NDUFA10: variants seen among roughly 807,000 people sequenced by gnomAD.
The protein encoded by NDUFA10 is NADH:ubiquinone oxidoreductase subunit A10.
In NDUFA10, 40 loss-of-function variants were observed where a neutral mutation model predicts 47.8. The observed-to-expected ratio is 0.84, with a 90% confidence interval of 0.65 to 1.09. NDUFA10 has a LOEUF of 1.09. Among genes scored for constraint, NDUFA10 ranks in the 50% least tolerant of loss-of-function variants. The probability of loss-of-function intolerance (pLI) is 0.00; values close to 1 mark genes in which losing one functional copy is unlikely to be tolerated. For synonymous variants in NDUFA10, 183 were observed against 172.2 expected (o/e 1.06, Z -0.49); for missense variants, 413 against 451.1 (o/e 0.92, Z 0.76).
intron 9 of NDUFA10, among the ~76,000 whole-genome samples, chr2:239,968,331 GCA>G (rs1267913172): frequency 6.6e-6 from 1 of 152,230 alleles, no homozygotes; most frequent in Non-Finnish European, 1.5e-5. Context: ...TGAGCAGCGA[GCA>G]CAGACTTCAG....
At chr2:239,947,579 T>G (rs1367637733) in intron 4 of NDUFA10, among the ~76,000 whole-genome samples, 1 of 152,114 alleles carries the variant, frequency 6.6e-6, no homozygotes, top group South Asian at 2.1e-4. Context: ...CCTGACTCTC[T>G]GAGGCCCAGA....
At chr2:239,898,964 GGTGTGA>G in intron 4 of NDUFA10, among the ~76,000 whole-genome samples, 1 of 99,774 alleles carries the variant, frequency 1.0e-5, no homozygotes, top group Admixed American at 9.7e-5. Flanking sequence ...GGTGTGGCAG[GGTGTGA>G]TGAAGAGGTA....
intron 4 of NDUFA10, among the ~76,000 whole-genome samples, chr2:239,947,342 G>A (rs918460730): frequency 6.6e-6 from 1 of 152,204 alleles, no homozygotes; most frequent in Non-Finnish European, 1.5e-5. Flanking sequence ...CAGGGACAGA[G>A]CTCCTGAGGC....
At chr2:239,935,062 G>C (rs1306989041) in intron 4 of NDUFA10, among the ~76,000 whole-genome samples, 2 of 152,192 alleles carry the variant, frequency 1.3e-5, no homozygotes, top group Non-Finnish European at 2.9e-5. Flanking sequence ...CTTCCTGGGA[G>C]AGTCCTTCTC....
chr2:239,979,724 G>T (rs1027537006), intron 9 of NDUFA10, among the ~76,000 whole-genome samples: 1 of 152,064 alleles, frequency 6.6e-6, no homozygotes, highest in Non-Finnish European at 1.5e-5. Context: ...GTGGCAAGCA[G>T]AGCAACCCTT....
chr2:239,994,824 C>T (rs1396977771), intron 8 of NDUFA10, among the ~76,000 whole-genome samples: 1 of 152,054 alleles, frequency 6.6e-6, no homozygotes, highest in Non-Finnish European at 1.5e-5. Flanking sequence ...AAAATGTTAA[C>T]AGAGTTTTAA....
Position 239,895,393 on chromosome 2 carries a change from C to A in NDUFA10, c.295-79G>T, listed in dbSNP as rs1056434504. On this transcript the variant is annotated intron_variant, in intron 4 of 5. Transcript: ENST00000419408. ...GAGCTCTGTGCAGGTGTAGGTGGGG[C>A]TTTACTCCACACTCATAGGTTCTGA... is the stretch of plus-strand genomic sequence containing the variant. The A allele has an allele frequency of 2.9e-5, 9 of 315,670 alleles. No individual in the cohort carries two copies. In the Admixed American group the frequency reaches 3.3e-4, roughly 12 times the overall value. The allele number at this position is 315,670 out of a possible 1,614,324, so 19.6% of individuals were successfully genotyped here.
At chr2:239,902,601 C>A (rs566503385) in intron 4 of NDUFA10, among the ~76,000 whole-genome samples, 1 of 152,294 alleles carries the variant, frequency 6.6e-6, no homozygotes, top group Admixed American at 6.5e-5. Flanking sequence ...CGCAATACCC[C>A]AAAGGTATGT....
intron 4 of NDUFA10, among the ~76,000 whole-genome samples, chr2:239,922,562 G>A (rs1163687241): frequency 6.6e-6 from 1 of 152,242 alleles, no homozygotes; most frequent in Non-Finnish European, 1.5e-5. Flanking sequence ...GGGGATAGAG[G>A]CGGTGTCACC....
chr2:239,946,161 C>T (rs1467764730), intron 4 of NDUFA10, among the ~76,000 whole-genome samples: 2 of 152,160 alleles, frequency 1.3e-5, no homozygotes, highest in African/African-American at 4.8e-5. Flanking sequence ...TGGCTGCACG[C>T]TCCTCCCACT....
chr2:240,009,588 T>C (rs6742141), intron 6 of NDUFA10, among the ~76,000 whole-genome samples: 1,762 of 152,294 alleles, frequency 0.012, 31 homozygotes, highest in African/African-American at 0.038. Flanking sequence ...TATGCATTCA[T>C]AAGCAACAAA....
At chr2:239,925,964 A>G (rs572901925) in intron 4 of NDUFA10, among the ~76,000 whole-genome samples, 14 of 152,358 alleles carry the variant, frequency 9.2e-5, no homozygotes, top group African/African-American at 3.4e-4. Context: ...CATCTTTCAG[A>G]GCAACTAAAA....
intron 4 of NDUFA10, among the ~76,000 whole-genome samples, chr2:239,899,447 TTGTGATGGAGGGG>T (rs1316849410): frequency 8.0e-5 from 3 of 37,724 alleles, no homozygotes; most frequent in Non-Finnish European, 1.7e-4. Context: ...ATGTGGAGGG[TTGTGATGGAGGGG>T]TGTGACGGAG....
chr2:239,929,477 C>T (rs1443433669), intron 4 of NDUFA10, among the ~76,000 whole-genome samples: 2 of 152,176 alleles, frequency 1.3e-5, no homozygotes, highest in Admixed American at 1.3e-4. Flanking sequence ...AGTGTTTCCT[C>T]ACCTCTCAAC....
At chr2:239,902,955 C>T (rs190545917) in intron 4 of NDUFA10, among the ~76,000 whole-genome samples, 2 of 152,334 alleles carry the variant, frequency 1.3e-5, no homozygotes, top group East Asian at 3.9e-4. Context: ...AATATTTGGG[C>T]TGCAGTTGGC....
chr2:239,916,883 C>A (rs1693889321), intron 4 of NDUFA10, among the ~76,000 whole-genome samples: 1 of 152,264 alleles, frequency 6.6e-6, no homozygotes, highest in Non-Finnish European at 1.5e-5. Flanking sequence ...TATGTCTCAA[C>A]CCCTGGGGTC....
chr2:239,982,150 G>A (rs1214531121), intron 9 of NDUFA10: 1 of 1,612,812 alleles, frequency 6.2e-7, no homozygotes, highest in Non-Finnish European at 8.5e-7. Flanking sequence ...CACCTCCAAA[G>A]ACCAGTGAGA....
At chr2:239,992,678 A>C (rs1345928588) in intron 8 of NDUFA10, among the ~76,000 whole-genome samples, 1 of 152,208 alleles carries the variant, frequency 6.6e-6, no homozygotes, top group Non-Finnish European at 1.5e-5. Flanking sequence ...TGGAGGCCTG[A>C]CGTGTCCTCG....
At position 239,959,794 on chromosome 2, in the gene NDUFA10, G is replaced by A; in HGVS notation, c.*1324C>T. The A allele has an allele frequency of 2.5e-6, 2 of 814,512 alleles. No homozygotes were observed. Among genetic ancestry groups the A allele is most frequent in the Non-Finnish European group, 1.5e-6 (1 of 674,202 alleles). 50.5% of individuals were successfully genotyped at this position (814,512 alleles called of 1,614,324 possible). On this transcript the variant is annotated 3_prime_UTR_variant, in exon 10 of 10. Transcript: ENST00000252711. ...AAGGGAAGGGAGGAAAACAAGGACA[G>A]ATGGAAGGAAGAAAGGAAGGGAGGG...
Sources: allele counts gnomAD v4.1 joint callset (sites outside exome capture counted in the v4.1 genomes callset), GRCh38; gene constraint gnomAD v4.1.1; transcripts MANE v1.5; gene names NCBI Gene and HGNC (gene_info 2026-07-23, HGNC 2026-07-21).